The following JHY variants were observed in gnomAD, a reference collection of about 807,000 sequenced individuals.
The protein encoded by JHY is junctional cadherin complex regulator.
Under a neutral mutation model 78.0 loss-of-function variants are expected in JHY, and 69 were observed. The ratio of observed to expected loss-of-function variants is 0.88; its 90% CI spans 0.73 to 1.08. The LOEUF (loss-of-function observed/expected upper bound fraction) is 1.08. JHY is among the 50% of genes least tolerant of loss of function. JHY has a pLI of 0.00. For missense variants in JHY, 944 were observed against 927.8 expected (o/e 1.02, Z -0.23); for synonymous variants, 368 against 342.6 (o/e 1.07, Z -0.82).
chr11:122,951,054 G>A (rs1864074501), intron 6 of JHY, among the ~76,000 whole-genome samples: 1 of 152,216 alleles, frequency 6.6e-6, no homozygotes, highest in Non-Finnish European at 1.5e-5. Flanking sequence ...ACAGCAGGTA[G>A]TCAAGGCACC....
chr11:122,948,588 C>A (rs553039695), intron 6 of JHY, among the ~76,000 whole-genome samples: 16 of 151,552 alleles, frequency 1.1e-4, no homozygotes, highest in Non-Finnish European at 2.2e-4. Flanking sequence ...CGTGTAAATG[C>A]TTATTATGTT....
chr11:122,892,354 G>A (rs1862637861), intron 2 of JHY, among the ~76,000 whole-genome samples: 2 of 149,718 alleles, frequency 1.3e-5, no homozygotes, highest in African/African-American at 2.5e-5. Flanking sequence ...ATGGAGTCTT[G>A]CATTGTCACC....
rs1030825017 is a variant in JHY at position 122,961,897 on chromosome 11, C to T, written c.*2452C>T. Among the ~76,000 whole-genome samples the T allele has an allele frequency of 1.1e-4, 16 of 152,236 alleles. 1 individual carries two copies. Among genetic ancestry groups the T allele is most frequent in the Admixed American group, 1.0e-3 (16 of 15,290 alleles). On this transcript the variant is annotated 3_prime_UTR_variant, in exon 9 of 9. Transcript: ENST00000227349. The stretch of plus-strand genomic sequence containing the variant: ...AGAGCATCAAGACATTAGTTAGAAA[C>T]CCTCCAACAAGTCCAGAAACACCTA...
intron 2 of JHY, among the ~76,000 whole-genome samples, chr11:122,893,779 G>T (rs1200028801): frequency 1.3e-5 from 2 of 152,132 alleles, no homozygotes; most frequent in East Asian, 3.9e-4. Flanking sequence ...GGTTTTGCCT[G>T]ATAGGCCCAA....
chr11:122,949,727 A>C (rs919490132), intron 6 of JHY, among the ~76,000 whole-genome samples: 1 of 151,160 alleles, frequency 6.6e-6, no homozygotes, highest in Non-Finnish European at 1.5e-5. Flanking sequence ...TGGGGACGGG[A>C]CCCTATCCGT....
At position 122,962,320 on chromosome 11, in the gene JHY, G is replaced by A. The variant is rs901546663; in HGVS notation, c.*2875G>A. On this transcript the variant is annotated 3_prime_UTR_variant, in exon 9 of 9. Transcript: ENST00000227349. Reference sequence around the variant, plus strand: ...ACTAGCTTTGGAAATGTACTCCTATGTTGTATACATTTTACATATACCAAA... The same window carrying A: ...ACTAGCTTTGGAAATGTACTCCTATATTGTATACATTTTACATATACCAAA... Among the ~76,000 whole-genome samples the A allele has an allele frequency of 1.3e-5, 2 of 152,156 alleles. No individual in the cohort carries two copies. The highest frequency in any genetic ancestry group is 4.8e-5 in the African/African-American group (2 of 41,418).
chr11:122,956,488 A>AT lies in JHY; in HGVS notation c.1930-3dup. ...TAAAAGAAACTGTTTCTGTGGTTGT[A>AT]TTTTTAGAACACCAAGCTGAAAGGT... On this transcript the variant is annotated splice_region_variant and splice_polypyrimidine_tract_variant and intron_variant, in intron 6 of 8. Coordinates refer to ENST00000227349, the MANE Select transcript of JHY (RefSeq NM_024806.4). The AT allele has an allele frequency of 6.2e-7, 1 of 1,612,838 alleles. No individual in the cohort carries two copies. Among genetic ancestry groups the AT allele is most frequent in the Non-Finnish European group, 8.5e-7 (1 of 1,179,216 alleles).
In JHY at chr11:122,896,342, C is replaced by CAAA. The variant is rs11370911; in HGVS notation, c.345-7562_345-7560dup. Among the ~76,000 whole-genome samples the CAAA allele has an allele frequency of 2.8e-3, 202 of 72,638 alleles. 1 individual carries two copies. Among genetic ancestry groups the CAAA allele is most frequent in the Middle Eastern group, 0.02 (2 of 100 alleles). 47.7% of individuals were successfully genotyped at this position (72,638 alleles called of 152,430 possible). On this transcript the variant is annotated intron_variant, in intron 2 of 8. Transcript: ENST00000227349. ...TGGGCGACAGAGGAAGACTCTGTCT[C>CAAA]AAAAAAAAAAAAAAAAAAAAAAAGG...
chr11:122,937,444 T>C (rs1366756185), intron 5 of JHY, among the ~76,000 whole-genome samples: 2 of 152,170 alleles, frequency 1.3e-5, no homozygotes, highest in African/African-American at 2.4e-5. Flanking sequence ...TTACTTTCTT[T>C]CTCTTTCGAG....
chr11:122,891,491 C>A (rs550320533), intron 2 of JHY, among the ~76,000 whole-genome samples: 1 of 150,930 alleles, frequency 6.6e-6, no homozygotes, highest in Non-Finnish European at 1.5e-5. Flanking sequence ...TCAGCACTCA[C>A]GAAGAAAGAG....
At chr11:122,884,701 T>C (rs2135273687) in intron 1 of JHY, among the ~76,000 whole-genome samples, 1 of 152,310 alleles carries the variant, frequency 6.6e-6, no homozygotes. Context: ...CCACTCAACT[T>C]TCCCCAGGAT....
chr11:122,906,548 T>C (rs1205930827), intron 3 of JHY, among the ~76,000 whole-genome samples: 1 of 152,180 alleles, frequency 6.6e-6, no homozygotes, highest in Non-Finnish European at 1.5e-5. Context: ...TATTTTTCAT[T>C]ATTAAAAAGT....
Position 122,893,417 on chromosome 11 carries a change from A to C in JHY, c.344+7224A>C, listed in dbSNP as rs373251545. Among the ~76,000 whole-genome samples, 4 of 152,332 alleles carry C rather than the reference A, an allele frequency of 2.6e-5. No individual in the cohort carries two copies. The East Asian group carries it at 7.7e-4, about 29-fold the overall frequency. ...GCTGAGTCCCCGCCAGAAATGCTAA[A>C]GCCATAGTGACTCCTGAGGCTTGTT... is the stretch of plus-strand genomic sequence containing the variant. On this transcript the variant is annotated intron_variant, in intron 2 of 8. Coordinates refer to ENST00000227349, the MANE Select transcript of JHY (RefSeq NM_024806.4).
At chr11:122,937,242 C>CTTTTTTTTTTTTTTTTT (rs11353255) in intron 5 of JHY, among the ~76,000 whole-genome samples, 1 of 137,668 alleles carries the variant, frequency 7.3e-6, no homozygotes, top group Non-Finnish European at 1.6e-5. Flanking sequence ...CTTTTCATTT[C>CTTTTTTTTTTTTTTTTT]TTTTTTTTTT....
chr11:122,913,150 G>T (rs1027522267), intron 3 of JHY, among the ~76,000 whole-genome samples: 1 of 152,112 alleles, frequency 6.6e-6, no homozygotes, highest in Non-Finnish European at 1.5e-5. Flanking sequence ...TGCAAAGGGG[G>T]CCTATCCAGG....
chr11:122,902,469 A>T (rs1231115481), intron 2 of JHY, among the ~76,000 whole-genome samples: 2 of 152,206 alleles, frequency 1.3e-5, no homozygotes. Context: ...GTCTCAAAAA[A>T]AAAAAAAGTA....
chr11:122,935,647 C>G lies in JHY; in HGVS notation c.1634+572C>G, dbSNP rs2135357350. Among the ~76,000 whole-genome samples the G allele has an allele frequency of 6.6e-6, 1 of 152,274 alleles. No individual in the cohort carries two copies. The highest frequency in any genetic ancestry group is 2.1e-4 in the South Asian group (1 of 4,818). On this transcript the variant is annotated intron_variant, in intron 5 of 8. Transcript: ENST00000227349. This position sits in a 1 kb window ranked among gnomAD's most constrained non-coding sequence, Gnocchi z 4.5. Reference sequence around the variant, plus strand: ...AGGACAGAGGGACCCAGTCAAAAAACATCAGTGTGTTTGGGGGTTGCAAGT... The same window carrying G: ...AGGACAGAGGGACCCAGTCAAAAAAGATCAGTGTGTTTGGGGGTTGCAAGT...
intron 3 of JHY, among the ~76,000 whole-genome samples, chr11:122,906,314 G>T (rs1267697908): frequency 6.6e-6 from 1 of 151,974 alleles, no homozygotes; most frequent in Non-Finnish European, 1.5e-5. Flanking sequence ...CAGCCTCGGC[G>T]AGTAGCTGGG....
Position 122,959,686 on chromosome 11 carries a change from A to G in JHY, c.*241A>G, listed in dbSNP as rs1864271515. 4.5e-6 allele frequency: 2 copies of G among 449,240 alleles called. No individual in the cohort carries two copies. The highest frequency in any genetic ancestry group is 4.0e-5 in the East Asian group (1 of 25,064). 27.8% of individuals were successfully genotyped at this position (449,240 alleles called of 1,614,324 possible). The stretch of plus-strand genomic sequence containing the variant: ...TCAAATCAGTTAGAATTGGAGCTGA[A>G]TAATAACTAGAGAATAAAGCTTTTG... On this transcript the variant is annotated 3_prime_UTR_variant, in exon 9 of 9. Transcript: ENST00000227349.
Sources: gnomAD v4.1 joint callset for allele counts (sites outside exome capture counted in the v4.1 genomes callset) on GRCh38, gnomAD v4.1.1 for gene constraint, Gnocchi (gnomAD v3.1) non-coding constraint, MANE v1.5 for transcripts, NCBI Gene and HGNC (gene_info 2026-07-23, HGNC 2026-07-21) for gene names.